The following CDH13 variants were observed in gnomAD, a reference collection of about 807,000 sequenced individuals.
CDH13 encodes the protein cadherin-13.
A neutral mutation model predicts 63.8 loss-of-function variants in CDH13; 24 were observed. The ratio of observed to expected loss-of-function variants is 0.38; its 90% CI spans 0.27 to 0.53. The LOEUF (loss-of-function observed/expected upper bound fraction) is 0.53, where lower values mean the gene tolerates loss of function less well. CDH13 is among the 20% of genes least tolerant of loss of function. CDH13 has a pLI of 0.85. For missense variants in CDH13, 1,049 were observed against 903.1 expected, an observed-to-expected ratio of 1.16 and a Z score of -2.07; for synonymous variants, 503 against 355.3, an observed-to-expected ratio of 1.42 and a Z score of -4.67.
intron 7 of CDH13, among the ~76,000 whole-genome samples, chr16:83,511,955 G>C (rs1266082720): frequency 6.6e-6 from 1 of 152,132 alleles, no homozygotes; most frequent in Non-Finnish European, 1.5e-5. Flanking sequence ...CTTTTGCTTG[G>C]TGAATAGTTC....
chr16:83,520,641 G>A (rs1187780683), intron 7 of CDH13, among the ~76,000 whole-genome samples: 1 of 152,154 alleles, frequency 6.6e-6, no homozygotes, highest in Non-Finnish European at 1.5e-5. Context: ...GTTTATGTTT[G>A]CCGCTCAATT....
intron 6 of CDH13, among the ~76,000 whole-genome samples, chr16:83,368,938 A>ATATATATAT (rs60900726): frequency 1.4e-4 from 8 of 55,440 alleles, no homozygotes; most frequent in Non-Finnish European, 1.7e-4. Context: ...ATATATATAT[A>ATATATATAT]CTAGGTTTTT....
chr16:83,000,367 G>C (rs542861872), intron 2 of CDH13, among the ~76,000 whole-genome samples: 5 of 146,022 alleles, frequency 3.4e-5, no homozygotes, highest in Admixed American at 6.9e-5. Flanking sequence ...TCTTGCCTCA[G>C]CCTCGCGAGT....
At chr16:83,536,884 C>G (rs757098342) in intron 7 of CDH13, among the ~76,000 whole-genome samples, 7 of 152,144 alleles carry the variant, frequency 4.6e-5, no homozygotes, top group Non-Finnish European at 1.0e-4. Flanking sequence ...CAGGATAACA[C>G]CAGCATTTCT....
intron 6 of CDH13, among the ~76,000 whole-genome samples, chr16:83,350,802 C>T (rs374940963): frequency 6.6e-6 from 1 of 152,184 alleles, no homozygotes; most frequent in African/African-American, 2.4e-5. Flanking sequence ...GGAGGCCGCT[C>T]TGAAGAGATG....
At chr16:82,793,755 C>A (rs1597603816) in intron 1 of CDH13, among the ~76,000 whole-genome samples, 1 of 152,160 alleles carries the variant, frequency 6.6e-6, no homozygotes, top group African/African-American at 2.4e-5. Flanking sequence ...GCTCCCCAAG[C>A]TCTGAATGAG....
At chr16:82,676,486 C>G (rs202119012) in intron 1 of CDH13, among the ~76,000 whole-genome samples, 1 of 96,370 alleles carries the variant, frequency 1.0e-5, no homozygotes. Context: ...ACCATCATTT[C>G]TTTTTTTTTT....
At chr16:83,055,350 T>C (rs894455012) in intron 3 of CDH13, among the ~76,000 whole-genome samples, 5 of 151,462 alleles carry the variant, frequency 3.3e-5, no homozygotes, top group African/African-American at 4.9e-5. Flanking sequence ...GTTCTGTAAC[T>C]TGATATCAAT....
intron 6 of CDH13, among the ~76,000 whole-genome samples, chr16:83,357,225 G>A (rs1021970515): frequency 6.6e-6 from 1 of 152,060 alleles, no homozygotes; most frequent in African/African-American, 2.4e-5. Flanking sequence ...TCTCATTTCT[G>A]CAATTTTACC....
chr16:83,726,420 T>C (rs1036100403), intron 10 of CDH13: 7 of 152,174 alleles, frequency 4.6e-5, no homozygotes, highest in Admixed American at 4.6e-4. Flanking sequence ...AGACAAATCG[T>C]TATCTTGGCC....
At chr16:82,675,854 A>G (rs563888450) in intron 1 of CDH13, among the ~76,000 whole-genome samples, 1 of 152,316 alleles carries the variant, frequency 6.6e-6, no homozygotes, top group South Asian at 2.1e-4. Context: ...GCCAAAAGAA[A>G]TGGGTATTGC....
intron 5 of CDH13, among the ~76,000 whole-genome samples, chr16:83,334,513 A>G (rs2090550513): frequency 6.8e-6 from 1 of 146,694 alleles, no homozygotes; most frequent in African/African-American, 2.5e-5. Flanking sequence ...CTGGGAGTAC[A>G]GGCATGCACC....
intron 2 of CDH13, among the ~76,000 whole-genome samples, chr16:82,925,123 G>A (rs1336089943): frequency 6.6e-6 from 1 of 152,094 alleles, no homozygotes; most frequent in Non-Finnish European, 1.5e-5. Context: ...TCCCCTAGTT[G>A]AGGGGAAGGG....
At chr16:82,855,750 G>T (rs192974762) in intron 1 of CDH13, among the ~76,000 whole-genome samples, 88 of 152,276 alleles carry the variant, frequency 5.8e-4, no homozygotes, top group African/African-American at 2.1e-3. Flanking sequence ...GATGATGTTG[G>T]TCAGGGTGAT....
At chr16:83,470,049 C>G (rs115343787) in intron 6 of CDH13, among the ~76,000 whole-genome samples, 96 of 152,272 alleles carry the variant, frequency 6.3e-4, no homozygotes, top group African/African-American at 2.2e-3. Context: ...TATTACAGTA[C>G]AAGATATCCT....
intron 10 of CDH13, among the ~76,000 whole-genome samples, chr16:83,732,438 T>A (rs403903): frequency 6.6e-6 from 1 of 151,978 alleles, no homozygotes; most frequent in African/African-American, 2.4e-5. Flanking sequence ...AGGTGAGCAG[T>A]GATCAGTCCC....
At chr16:83,180,983 A>G (rs1056964420) in intron 4 of CDH13, 2 of 1,531,372 alleles carry the variant, frequency 1.3e-6, no homozygotes, top group Non-Finnish European at 1.7e-6. Context: ...TGGCGACATT[A>G]TTGCTTTAAA....
At chr16:82,752,734 G>C (rs2034467529) in intron 1 of CDH13, among the ~76,000 whole-genome samples, 1 of 152,124 alleles carries the variant, frequency 6.6e-6, no homozygotes, top group South Asian at 2.1e-4. Flanking sequence ...AGACAGATGG[G>C]TCATCTCTTT....
intron 10 of CDH13, among the ~76,000 whole-genome samples, chr16:83,726,557 T>C (rs1393300711): frequency 1.3e-5 from 2 of 152,152 alleles, no homozygotes; most frequent in Non-Finnish European, 2.9e-5. Flanking sequence ...CACTGTTGGC[T>C]GGGCACGGTG....
Sources: gnomAD v4.1 joint callset for allele counts (sites outside exome capture counted in the v4.1 genomes callset) on GRCh38, gnomAD v4.1.1 for gene constraint, MANE v1.5 for transcripts, NCBI Gene and HGNC (gene_info 2026-07-23, HGNC 2026-07-21) for gene names.